ERICH6: variants seen among roughly 807,000 people sequenced by gnomAD.
The protein encoded by ERICH6 is glutamate-rich protein 6.
A neutral mutation model predicts 71.0 loss-of-function variants in ERICH6; 71 were observed. The observed-to-expected ratio is 1.00, with a 90% CI of 0.83 to 1.22. The LOEUF (loss-of-function observed/expected upper bound fraction) is 1.22. Ranked by LOEUF, ERICH6 falls within the 50% of genes most tolerant of loss-of-function variation. The probability of loss-of-function intolerance (pLI) is 0.00; values close to 1 mark genes in which losing one functional copy is unlikely to be tolerated. For missense variants in ERICH6, 808 were observed against 797.2 expected, an observed-to-expected ratio of 1.01 and a Z score of -0.16; for synonymous variants, 262 against 278.4, an observed-to-expected ratio of 0.94 and a Z score of 0.59.
intron 12 of ERICH6, among the ~76,000 whole-genome samples, chr3:150,667,906 A>T (rs1008640251): frequency 1.3e-5 from 2 of 152,152 alleles, no homozygotes; most frequent in Non-Finnish European, 2.9e-5. Flanking sequence ...AAAGGAAAAG[A>T]CCTCTTTCTA....
intron 6 of ERICH6, among the ~76,000 whole-genome samples, chr3:150,682,987 T>A (rs1256652108): frequency 1.3e-5 from 2 of 152,164 alleles, no homozygotes; most frequent in Non-Finnish European, 2.9e-5. Flanking sequence ...AGGTCATGTC[T>A]GTGATTGCAC....
intron 9 of ERICH6, among the ~76,000 whole-genome samples, chr3:150,678,909 C>T (rs369331661): frequency 2.0e-5 from 3 of 151,642 alleles, no homozygotes; most frequent in South Asian, 2.1e-4. Flanking sequence ...GGCGTGGTGG[C>T]GTGTGCCTGT....
intron 6 of ERICH6, 36 bp from the exon 7 acceptor site, chr3:150,682,352 C>G: frequency 6.5e-7 from 1 of 1,528,396 alleles, no homozygotes; most frequent in Non-Finnish European, 9.0e-7. Context: ...AAGAAGTCCC[C>G]ACAAAGAGGC....
intron 2 of ERICH6, among the ~76,000 whole-genome samples, chr3:150,701,420 A>G (rs989227859): frequency 1.3e-5 from 2 of 152,192 alleles, no homozygotes; most frequent in South Asian, 2.1e-4. Flanking sequence ...GTGGGGGTGA[A>G]GAAGGGCATG....
At chr3:150,670,605 A>G (rs1711498694) in intron 11 of ERICH6, among the ~76,000 whole-genome samples, 1 of 152,178 alleles carries the variant, frequency 6.6e-6, no homozygotes, top group South Asian at 2.1e-4. Flanking sequence ...ATGTTCTTGT[A>G]TATAGAAAAT....
chr3:150,701,876 A>G (rs1427479776), intron 2 of ERICH6, among the ~76,000 whole-genome samples: 1 of 152,250 alleles, frequency 6.6e-6, no homozygotes, highest in Admixed American at 6.5e-5. Flanking sequence ...CATGGCATAT[A>G]TAGTTATTCT....
chr3:150,698,240 GT>G (rs1252758219), intron 3 of ERICH6, among the ~76,000 whole-genome samples: 2 of 152,010 alleles, frequency 1.3e-5, no homozygotes, highest in South Asian at 2.1e-4. Flanking sequence ...GGATTTGCTT[GT>G]TTTTTTCACT....
At position 150,663,624 on chromosome 3, in the gene ERICH6, G is replaced by A. The variant is rs138327761; in HGVS notation, c.1728+3163C>T. On this transcript the variant is annotated intron_variant, in intron 13 of 13. Coordinates refer to ENST00000295910, the MANE Select transcript of ERICH6 (RefSeq NM_152394.5). The stretch of plus-strand genomic sequence containing the variant: ...CAGATAGCTGAGACCACAGGCATGC[G>A]CCACCATGTCTGGAGAATTTAAAAA... Among the ~76,000 whole-genome samples, 987 of 152,150 alleles carry A rather than the reference G, an allele frequency of 6.5e-3. 7 individuals are homozygous for A. The highest frequency in any genetic ancestry group is 0.014 in the Middle Eastern group (4 of 294).
In ERICH6 at chr3:150,682,265, T is replaced by A; in HGVS notation, c.835A>T (p.Arg279Ter). 6.2e-7 allele frequency: 1 copy of A among 1,613,908 alleles called. No homozygotes were observed. The highest frequency in any genetic ancestry group is 8.5e-7 in the Non-Finnish European group (1 of 1,180,018). Reference sequence around the variant, plus strand: ...ACATCCACATTAGAAAAAAATGCTCTTAGATCGCTGCCACAAAATTCACAT... The same window carrying A: ...ACATCCACATTAGAAAAAAATGCTCATAGATCGCTGCCACAAAATTCACAT... Reference protein sequence around the residue: ...PKCEFCGSDLRAFFSNVDVSS... With the variant: ...PKCEFCGSDL The change falls in exon 7 of 14, where the codon AGA becomes TGA. Residue 279 changes from arginine (R) to a stop codon, truncating the protein, a stop_gained. Coordinates refer to ENST00000295910, the MANE Select transcript of ERICH6 (RefSeq NM_152394.5). LOFTEE classifies it high-confidence loss of function.
At position 150,680,975 on chromosome 3, in the gene ERICH6, G is replaced by A. The variant is rs78562353; in HGVS notation, c.883-45C>T. The A allele has an allele frequency of 8.5e-3, 13,200 of 1,549,518 alleles. 919 individuals carry two copies. The African/African-American group carries it at 0.15, about 18-fold the overall frequency. ...CTCTCATCTCATTAGTCCTAGATGA[G>A]GAGGATTAGAGGGGATAAAAATGAC... On this transcript the variant is annotated intron_variant, in intron 7 of 13. Transcript: ENST00000295910.
At chr3:150,698,741 C>T in intron 3 of ERICH6, 50 bp downstream of exon 3, 1 of 1,468,870 alleles carries the variant, frequency 6.8e-7, no homozygotes, top group Non-Finnish European at 9.5e-7. Flanking sequence ...GTGATATTTC[C>T]AACATGCAAT....
Position 150,686,346 on chromosome 3 carries a change from C to T in ERICH6, c.562G>A (p.Ala188Thr), listed in dbSNP as rs545437917. The stretch of plus-strand genomic sequence containing the variant: ...TCAGGTTCAGCTTTCTCTTTAGAGG[C>T]TTTCTTCCCTGTGAAAACAGGGTAC... ...LSDKVQSRKK[A>T]SKEKAEPECL... The change falls in exon 4 of 14, where the codon GCC becomes ACC. Residue 188 changes from alanine to threonine, a missense_variant. Coordinates refer to ENST00000295910, the MANE Select transcript of ERICH6 (RefSeq NM_152394.5). 5.4e-4 allele frequency: 873 copies of T among 1,614,140 alleles called. 14 individuals are homozygous for T. In the South Asian group the frequency reaches 9.0e-3, roughly 17 times the overall value.
rs1449631417 is a variant in ERICH6 at position 150,678,263 on chromosome 3, C to A, written c.1257+146G>T. 15 of 651,022 alleles carry A rather than the reference C, an allele frequency of 2.3e-5. No homozygotes were observed. The South Asian group carries it at 5.0e-4, about 22-fold the overall frequency. The allele number at this position is 651,022 out of a possible 1,614,324, so 40.3% of individuals were successfully genotyped here. On this transcript the variant is annotated intron_variant, in intron 10 of 13. Transcript: ENST00000295910. Reference sequence around the variant, plus strand: ...CATATGACATTGTTATAAAGTCTAGCAGAAGTTAAAAGACCAAGTCTGTAC... The same window carrying A: ...CATATGACATTGTTATAAAGTCTAGAAGAAGTTAAAAGACCAAGTCTGTAC...
Position 150,659,926 on chromosome 3 carries a change from T to C in ERICH6, c.1958A>G (p.Lys653Arg), listed in dbSNP as rs754912907. The change falls in exon 14 of 14, where the codon AAG (lysine) becomes AGG (arginine). Residue 653 changes from lysine (K) to arginine (R), a missense_variant. Physicochemically the swap from Lys to Arg is conservative, Grantham distance 26 (BLOSUM62 2). This residue lies in a region of ERICH6 where 736 missense variants were observed against 712.2 expected (regional missense o/e 1.03). Coordinates refer to ENST00000295910, the MANE Select transcript of ERICH6 (RefSeq NM_152394.5). Reference sequence around the variant, plus strand: ...TTCATTTATTATATTTCTTATTGTCTTCATTATATCTTGCTTTATACCAGA... The same window carrying C: ...TTCATTTATTATATTTCTTATTGTCCTCATTATATCTTGCTTTATACCAGA... ...HSSGIKQDIMKTIRNIINEEI is the reference protein window; with the variant it reads ...HSSGIKQDIMRTIRNIINEEI The C allele has an allele frequency of 6.2e-7, 1 of 1,609,748 alleles. No individual in the cohort carries two copies. Among genetic ancestry groups the C allele is most frequent in the South Asian group, 1.1e-5 (1 of 90,934 alleles).
intron 3 of ERICH6, among the ~76,000 whole-genome samples, chr3:150,698,542 C>T (rs1712739908): frequency 6.6e-6 from 1 of 152,062 alleles, no homozygotes; most frequent in South Asian, 2.1e-4. Context: ...AACATAATTG[C>T]TACCATTTAT....
chr3:150,669,193 T>G, intron 12 of ERICH6, 103 bp downstream of exon 12: 1 of 1,289,706 alleles, frequency 7.8e-7, no homozygotes, highest in Non-Finnish European at 1.0e-6. Flanking sequence ...AACACTAACT[T>G]AAATAAATCT....
At chr3:150,665,206 G>T (rs1163230678) in intron 13 of ERICH6, among the ~76,000 whole-genome samples, 1 of 152,108 alleles carries the variant, frequency 6.6e-6, no homozygotes, top group African/African-American at 2.4e-5. Flanking sequence ...TTAGCACATT[G>T]TAGACCCTCG....
At chr3:150,688,338 A>G (rs761524226) in intron 3 of ERICH6, among the ~76,000 whole-genome samples, 6 of 152,224 alleles carry the variant, frequency 3.9e-5, no homozygotes, top group Non-Finnish European at 7.3e-5. Context: ...GCAAAAAAGC[A>G]AAACAAGACA....
chr3:150,702,994 CAGAG>C (rs71676608), intron 1 of ERICH6, among the ~76,000 whole-genome samples: 43 of 124,128 alleles, frequency 3.5e-4, no homozygotes, highest in Middle Eastern at 4.3e-3. Flanking sequence ...GGAGGGGGAA[CAGAG>C]AGAGAGAGAG....
Sources: allele counts gnomAD v4.1 joint callset (sites outside exome capture counted in the v4.1 genomes callset), GRCh38; gene constraint gnomAD v4.1.1; regional missense constraint gnomAD v4.1.1; transcripts MANE v1.5; gene names NCBI Gene and HGNC (gene_info 2026-07-23, HGNC 2026-07-21).